CRNKL1: variants seen among roughly 807,000 people sequenced by gnomAD.
CRNKL1 encodes crooked neck-like protein 1.
Under a neutral mutation model 103.7 loss-of-function variants are expected in CRNKL1, and 35 were observed. That is an observed-to-expected ratio of 0.34 (90% CI 0.26 to 0.45). The LOEUF (loss-of-function observed/expected upper bound fraction) is 0.45. CRNKL1 is among the 20% of genes least tolerant of loss of function. The pLI is 1.00. For missense variants in CRNKL1, 645 were observed against 836.0 expected (o/e 0.77, Z 2.82); for synonymous variants, 267 against 282.6 (o/e 0.94, Z 0.55).
At chr20:20,051,527 G>C (rs2146508239) in intron 1 of CRNKL1, among the ~76,000 whole-genome samples, 1 of 152,168 alleles carries the variant, frequency 6.6e-6, no homozygotes, top group East Asian at 1.9e-4. Context: ...AATGGTGATA[G>C]CTCATATTTA....
At chr20:20,037,133 T>C (rs1002275142) in intron 13 of CRNKL1, among the ~76,000 whole-genome samples, 190 bp downstream of exon 13, 16 of 152,196 alleles carry the variant, frequency 1.1e-4, no homozygotes, top group Admixed American at 2.6e-4. Flanking sequence ...CTTCCCGTTC[T>C]CCACCTCTGA....
In CRNKL1 at chr20:20,051,067, G is replaced by C. The variant is rs1349085745; in HGVS notation, c.52-445C>G. Among the ~76,000 whole-genome samples the C allele has an allele frequency of 2.0e-5, 3 of 152,182 alleles. No homozygotes were observed. In the East Asian group the frequency reaches 5.8e-4, roughly 29 times the overall value. The stretch of plus-strand genomic sequence containing the variant: ...GTTTTACATGGCACTTCAAGTCAAA[G>C]GCAATTTCAGTAAGTTCTCATCATT... On this transcript the variant is annotated intron_variant, in intron 1 of 13. Transcript: ENST00000536226.
At chr20:20,053,055 T>A (rs1355540263), upstream of CRNKL1, among the ~76,000 whole-genome samples, 1 of 152,212 alleles carries the variant, frequency 6.6e-6, no homozygotes, top group Non-Finnish European at 1.5e-5. Flanking sequence ...AAGAAACATG[T>A]TTAAATTCTG....
chr20:20,036,959 C>T (rs950421767), intron 13 of CRNKL1, among the ~76,000 whole-genome samples: 2 of 152,182 alleles, frequency 1.3e-5, no homozygotes, highest in Non-Finnish European at 2.9e-5. Flanking sequence ...TCACTGACTC[C>T]CACCAAACTC....
At chr20:20,048,062 A>G in intron 4 of CRNKL1, 131 bp from the exon 5 acceptor site, 1 of 1,205,462 alleles carries the variant, frequency 8.3e-7, no homozygotes, top group South Asian at 1.6e-5. Context: ...GTAAATCTGA[A>G]AAAGGATGAA....
intron 10 of CRNKL1, among the ~76,000 whole-genome samples, chr20:20,040,330 C>CAAAAAAAAAAAAAAAAAAA (rs781058387): frequency 1.3e-5 from 1 of 79,292 alleles, no homozygotes. Context: ...ACCAAACAAA[C>CAAAAAAAAAAAAAAAAAAA]AAAAAAAAAA....
At chr20:20,050,405 A>C in intron 2 of CRNKL1, 65 bp downstream of exon 2, 2 of 1,437,548 alleles carry the variant, frequency 1.4e-6, no homozygotes, top group Non-Finnish European at 1.9e-6. Flanking sequence ...ACCAATGAGG[A>C]GCTTTTCAAA....
chr20:20,044,453 C>G (rs897587859), intron 6 of CRNKL1, among the ~76,000 whole-genome samples: 1 of 152,188 alleles, frequency 6.6e-6, no homozygotes, highest in African/African-American at 2.4e-5. Context: ...ATTATACTTA[C>G]TGGTTCAGCA....
At position 20,040,708 on chromosome 20, in the gene CRNKL1, A is replaced by T. The variant is rs1227953796; in HGVS notation, c.1283T>A (p.Leu428Gln). Residue 428 changes from leucine (L) to glutamine (Q), a missense_variant, in exon 10 of 14, where the codon CTG becomes CAG. Physicochemically the swap from Leu to Gln is moderately radical, Grantham distance 113. This residue lies in a region of CRNKL1 where 582 missense variants were observed against 707.7 expected (regional missense o/e 0.82). Transcript: ENST00000536226. ...YAQFEIRQKN[L>Q]SLARRALGTS... ...TACCAATGCTCTTCTGGCTAATGAC[A>T]GATTCTTCTGTCGTATTTCAAACTG... The T allele has an allele frequency of 6.2e-7, 1 of 1,611,784 alleles. No individual in the cohort carries two copies. Among genetic ancestry groups the T allele is most frequent in the Non-Finnish European group, 8.5e-7 (1 of 1,179,478 alleles).
intron 11 of CRNKL1, 105 bp from the exon 12 acceptor site, chr20:20,038,555 G>A (rs1176417746): frequency 3.5e-5 from 22 of 636,982 alleles, no homozygotes; most frequent in Non-Finnish European, 6.0e-5. Flanking sequence ...AGGAACATAG[G>A]ATTTTTACTG....
chr20:20,042,396 C>T lies in CRNKL1; in HGVS notation c.1093G>A (p.Glu365Lys). 6.2e-7 allele frequency: 1 copy of T among 1,614,150 alleles called. No individual in the cohort carries two copies. Among genetic ancestry groups the T allele is most frequent in the Non-Finnish European group, 8.5e-7 (1 of 1,180,010 alleles). Residue 365 changes from glutamate to lysine, a missense_variant, in exon 8 of 14, where the codon GAG becomes AAG. Glu to Lys is a moderately conservative substitution (Grantham distance 56). Around this residue, in one of 2 missense-constraint regions of CRNKL1, gnomAD observed 582 missense variants for 707.7 expected, o/e 0.82. Coordinates refer to ENST00000536226, the MANE Select transcript of CRNKL1 (RefSeq NM_001278628.2). The stretch of plus-strand genomic sequence containing the variant: ...ATGTAGCGCTTCCAGTGCCTCTTCT[C>T]CTGAATGGGTGGGACATTGGCAATG... ...RAIANVPPIQ[E>K]KRHWKRYIYL...
Position 20,040,158 on chromosome 20 carries a change from T to C in CRNKL1, c.1306-310A>G, listed in dbSNP as rs554612613. Among the ~76,000 whole-genome samples the C allele has an allele frequency of 7.2e-5, 11 of 151,924 alleles. No homozygotes were observed. The East Asian group carries it at 2.1e-3, about 30-fold the overall frequency. On this transcript the variant is annotated intron_variant, in intron 10 of 13. Coordinates refer to ENST00000536226, the MANE Select transcript of CRNKL1 (RefSeq NM_001278628.2). ...TCAAATGCATAAAACCTCCTATAAATAAAAAGGACAAGGCATGGTGGCTCA... is the reference window on the plus strand; with the variant it reads ...TCAAATGCATAAAACCTCCTATAAACAAAAAGGACAAGGCATGGTGGCTCA...
At chr20:20,042,568 T>TG (rs773143474) in intron 7 of CRNKL1, 52 bp from the exon 8 acceptor site, 1 of 1,537,112 alleles carries the variant, frequency 6.5e-7, no homozygotes, top group East Asian at 2.3e-5. Flanking sequence ...GAGCTGCACT[T>TG]GCCAGGTTAA....
chr20:20,054,495 A>T (rs974290645), upstream of CRNKL1, among the ~76,000 whole-genome samples: 1 of 152,174 alleles, frequency 6.6e-6, no homozygotes, highest in Non-Finnish European at 1.5e-5. Flanking sequence ...AACATTTTTT[A>T]AAAATTACAT....
intron 9 of CRNKL1, 95 bp downstream of exon 9, chr20:20,041,471 A>G: frequency 3.0e-6 from 3 of 1,016,148 alleles, no homozygotes; most frequent in Non-Finnish European, 4.6e-6. Context: ...ACAGGGAAGC[A>G]TTTTATCAAT....
intron 12 of CRNKL1, 78 bp from the exon 13 acceptor site, chr20:20,037,649 C>A: frequency 7.1e-7 from 1 of 1,407,806 alleles, no homozygotes. Context: ...AAAGCGAATT[C>A]CCAGTTAATG....
At chr20:20,054,020 T>TTTGTTTTG (rs1568779157), upstream of CRNKL1, among the ~76,000 whole-genome samples, 3 of 149,790 alleles carry the variant, frequency 2.0e-5, no homozygotes, top group African/African-American at 7.3e-5. Flanking sequence ...TTTGTTTTTT[T>TTTGTTTTG]TTTTTTTTTT....
At position 20,049,408 on chromosome 20, in the gene CRNKL1, T is replaced by C. The variant is rs1600254071; in HGVS notation, c.228A>G (p.Lys76=). The C allele has an allele frequency of 1.3e-6, 2 of 1,598,704 alleles. No homozygotes were observed. Among genetic ancestry groups the C allele is most frequent in the Non-Finnish European group, 8.6e-7 (1 of 1,169,304 alleles). ...KRKTFEDNIR[K]NRTVISNWIK... ...TCCAGTTACTAATCACAGTCCTGTTTTTTCTTATATTATCTTCAAAAGTCT... is the reference window on the plus strand; with the variant it reads ...TCCAGTTACTAATCACAGTCCTGTTCTTTCTTATATTATCTTCAAAAGTCT... The change falls in exon 3 of 14, where the codon AAA becomes AAG. Residue 76 remains lysine, a synonymous_variant. Coordinates refer to ENST00000536226, the MANE Select transcript of CRNKL1 (RefSeq NM_001278628.2).
At chr20:20,036,438 G>T in intron 13 of CRNKL1, 76 bp from the exon 14 acceptor site, 1 of 1,368,606 alleles carries the variant, frequency 7.3e-7, no homozygotes, top group Non-Finnish European at 1.0e-6. Context: ...ATTTTTACTG[G>T]AAATCCGGAT....
Sources: gnomAD v4.1 joint callset for allele counts (sites outside exome capture counted in the v4.1 genomes callset) on GRCh38, gnomAD v4.1.1 for gene constraint, gnomAD v4.1.1 regional missense constraint, MANE v1.5 for transcripts, NCBI Gene and HGNC (gene_info 2026-07-23, HGNC 2026-07-21) for gene names.